Variants in ITPR2 observed in about 807,000 individuals in gnomAD.
ITPR2 encodes inositol 1,4,5-trisphosphate-gated calcium channel ITPR2.
ITPR2 carries 207 observed loss-of-function variants against 317.1 expected under a neutral mutation model. The ratio of observed to expected loss-of-function variants is 0.65; its 90% CI spans 0.58 to 0.73. The LOEUF (loss-of-function observed/expected upper bound fraction) is 0.73. Ranked by LOEUF, ITPR2 falls within the 30% of genes least tolerant of loss-of-function variation. ITPR2 has a pLI of 0.00. For missense variants in ITPR2, 2,613 were observed against 3,284.0 expected (o/e 0.80, Z 4.99); for synonymous variants, 1,156 against 1,149.1 (o/e 1.01, Z -0.12).
In ITPR2 at chr12:26,455,344, T is replaced by TAAAAAAAA. The variant is rs10687003; in HGVS notation, c.6343-11702_6343-11695dup. 2.0e-4 allele frequency among the ~76,000 whole-genome samples: 13 copies of TAAAAAAAA among 66,360 alleles called. 1 individual carries two copies. Among genetic ancestry groups the TAAAAAAAA allele is most frequent in the African/African-American group, 6.5e-4 (11 of 16,942 alleles). 43.5% of individuals were successfully genotyped at this position (66,360 alleles called of 152,430 possible). On this transcript the variant is annotated intron_variant, in intron 45 of 56. Coordinates refer to ENST00000381340, the MANE Select transcript of ITPR2 (RefSeq NM_002223.4). Reference sequence around the variant, plus strand: ...GTTTAACTGTCTAATCAACAGCTGCTAAAAAAAAAAAAAAAAAAAAAAAAA... The same window carrying TAAAAAAAA: ...GTTTAACTGTCTAATCAACAGCTGCTAAAAAAAAAAAAAAAAAAAAAAAAAAAAAAAAA...
rs575472551 is a variant in ITPR2 at position 26,797,829 on chromosome 12, T to G, written c.93-7602A>C. Among the ~76,000 whole-genome samples, 11 of 151,468 alleles carry G rather than the reference T, an allele frequency of 7.3e-5. No homozygotes were observed. The South Asian group carries it at 1.9e-3, about 26-fold the overall frequency. On this transcript the variant is annotated intron_variant, in intron 1 of 56. Coordinates refer to ENST00000381340, the MANE Select transcript of ITPR2 (RefSeq NM_002223.4). The stretch of plus-strand genomic sequence containing the variant: ...GTCTCAGCCTCCCGAGTAGCTGGGA[T>G]TACAGGTGCACACTACCACACCCGG...
chr12:26,653,047 T>G (rs1374098747), intron 21 of ITPR2, among the ~76,000 whole-genome samples: 1 of 152,150 alleles, frequency 6.6e-6, no homozygotes, highest in Non-Finnish European at 1.5e-5. Context: ...ATTACCATCT[T>G]CATATCTCAG....
rs1297004625 is a variant in ITPR2, at chr12:26,628,115, T to A, written c.2982A>T (p.Ser994=). The A allele has an allele frequency of 1.2e-6, 2 of 1,605,254 alleles. No individual in the cohort carries two copies. Among genetic ancestry groups the A allele is most frequent in the African/African-American group, 2.7e-5 (2 of 74,712 alleles). Residue 994 remains serine, a synonymous_variant, in exon 23 of 57, where the codon TCA becomes TCT. Coordinates refer to ENST00000381340, the MANE Select transcript of ITPR2 (RefSeq NM_002223.4). The stretch of plus-strand genomic sequence containing the variant: ...CCTCTCCAAACTCCTTCTTATATAT[T>A]GACAGCATATATGAGATCCTATAAT... ...RLDYRISYML[S]IYKKEFGEDN...
intron 9 of ITPR2, among the ~76,000 whole-genome samples, chr12:26,707,328 T>C (rs1948569743): frequency 6.6e-6 from 1 of 152,164 alleles, no homozygotes; most frequent in African/African-American, 2.4e-5. Context: ...CCAATATGTG[T>C]CTTTTTAAAA....
At chr12:26,628,577 G>A (rs996946554) in intron 22 of ITPR2, among the ~76,000 whole-genome samples, 1 of 152,214 alleles carries the variant, frequency 6.6e-6, no homozygotes, top group African/African-American at 2.4e-5. Context: ...GTATGACTGT[G>A]ACTATACCAT....
At chr12:26,354,452 GGGTCCACCACAT>G (rs1343849816) in intron 55 of ITPR2, among the ~76,000 whole-genome samples, 1 of 152,076 alleles carries the variant, frequency 6.6e-6, no homozygotes, top group Non-Finnish European at 1.5e-5. Flanking sequence ...GCTCAAGGAA[GGGTCCACCACAT>G]GGTCATAGTC....
chr12:26,710,426 C>T lies in ITPR2; in HGVS notation c.951+747G>A, dbSNP rs913302505. On this transcript the variant is annotated intron_variant, in intron 9 of 56. Coordinates refer to ENST00000381340, the MANE Select transcript of ITPR2 (RefSeq NM_002223.4). The stretch of plus-strand genomic sequence containing the variant: ...CTCCAAATGCATCTCATATACAAAT[C>T]CTGAAATCTCCTTCTCCCCATCCTC... Among the ~76,000 whole-genome samples the T allele has an allele frequency of 2.0e-5, 3 of 152,178 alleles. No homozygotes were observed. The East Asian group carries it at 5.8e-4, about 29-fold the overall frequency.
chr12:26,673,512 T>A (rs1947837820), intron 13 of ITPR2, among the ~76,000 whole-genome samples: 1 of 151,204 alleles, frequency 6.6e-6, no homozygotes, highest in African/African-American at 2.4e-5. Context: ...TGCTAAAAAC[T>A]CTCAATAAAT....
intron 26 of ITPR2, among the ~76,000 whole-genome samples, chr12:26,617,783 G>A (rs919467961): frequency 7.4e-5 from 11 of 148,888 alleles, no homozygotes; most frequent in Non-Finnish European, 1.0e-4. Context: ...AAGGAGGGAA[G>A]GAAAGAGGAA....
At chr12:26,703,655 A>T (rs987592598) in intron 9 of ITPR2, among the ~76,000 whole-genome samples, 1 of 152,200 alleles carries the variant, frequency 6.6e-6, no homozygotes, top group Non-Finnish European at 1.5e-5. Flanking sequence ...TAATACTTTC[A>T]TTATATCGGT....
chr12:26,400,871 G>A (rs963196244), intron 52 of ITPR2: 9 of 152,418 alleles, frequency 5.9e-5, no homozygotes, highest in African/African-American at 2.2e-4. Context: ...TGAACCTTAG[G>A]ATCCTCATCT....
intron 1 of ITPR2, among the ~76,000 whole-genome samples, chr12:26,796,349 T>A (rs1950442992): frequency 6.6e-6 from 1 of 152,138 alleles, no homozygotes; most frequent in Non-Finnish European, 1.5e-5. Context: ...CTTTTAGAAG[T>A]CCGATAAAAT....
At chr12:26,467,963 G>A (rs141667216) in intron 45 of ITPR2, among the ~76,000 whole-genome samples, 2,743 of 152,130 alleles carry the variant, frequency 0.018, 56 homozygotes, top group Middle Eastern at 0.037. Context: ...TAAAAATAAG[G>A]CCTCCTGGGT....
intron 55 of ITPR2, among the ~76,000 whole-genome samples, chr12:26,354,613 T>C (rs140174894): frequency 6.6e-6 from 1 of 152,200 alleles, no homozygotes. Context: ...TTTAAGTCTT[T>C]TCCATTGTCT....
At chr12:26,436,893 T>C (rs1941365333) in intron 47 of ITPR2, among the ~76,000 whole-genome samples, 1 of 152,240 alleles carries the variant, frequency 6.6e-6, no homozygotes, top group Non-Finnish European at 1.5e-5. Context: ...TGATTTATAA[T>C]ATTATCTACA....
At chr12:26,777,590 A>G (rs1486469535) in intron 2 of ITPR2, among the ~76,000 whole-genome samples, 1 of 152,224 alleles carries the variant, frequency 6.6e-6, no homozygotes, top group East Asian at 1.9e-4. Context: ...ACATTGGCTA[A>G]TTAATCACGG....
intron 1 of ITPR2, among the ~76,000 whole-genome samples, chr12:26,804,711 AAC>A (rs753541446): frequency 6.9e-4 from 105 of 152,050 alleles, no homozygotes; most frequent in Non-Finnish European, 1.3e-3. Flanking sequence ...CTCTAAATAA[AAC>A]AGACTCTTAT....
chr12:26,505,570 C>G (rs768809064), intron 37 of ITPR2, among the ~76,000 whole-genome samples: 1 of 152,148 alleles, frequency 6.6e-6, no homozygotes, highest in Non-Finnish European at 1.5e-5. Context: ...CTCATTAAGT[C>G]CTCTTATAAT....
intron 55 of ITPR2, among the ~76,000 whole-genome samples, chr12:26,366,107 G>A (rs1257306995): frequency 6.6e-6 from 1 of 152,014 alleles, no homozygotes; most frequent in Non-Finnish European, 1.5e-5. Context: ...GTCTTTTCAT[G>A]AAACAGTGTA....
Sources: gnomAD v4.1 joint callset for allele counts (sites outside exome capture counted in the v4.1 genomes callset) on GRCh38, gnomAD v4.1.1 for gene constraint, MANE v1.5 for transcripts, NCBI Gene and HGNC (gene_info 2026-07-23, HGNC 2026-07-21) for gene names.